DYNC2I2: variants seen among roughly 807,000 people sequenced by gnomAD.
DYNC2I2 encodes the protein cytoplasmic dynein 2 intermediate chain 2.
In DYNC2I2, 39 loss-of-function variants were observed where a neutral mutation model predicts 52.0. The observed-to-expected ratio is 0.75, with a 90% CI of 0.58 to 0.98. DYNC2I2 has a LOEUF of 0.98. DYNC2I2 is among the 50% of genes least tolerant of loss of function. The pLI, the probability that DYNC2I2 is intolerant of heterozygous loss-of-function variation, is 0.00. For synonymous variants in DYNC2I2, 359 were observed against 321.1 expected, an observed-to-expected ratio of 1.12 and a Z score of -1.26; for missense variants, 743 against 728.4, an observed-to-expected ratio of 1.02 and a Z score of -0.23.
At chr9:128,663,649 CTTTTTTTTTTTT>C in the DYNC2I2 span, 9 of 77,128 alleles carry the variant, frequency 1.2e-4, no homozygotes, top group South Asian at 4.9e-4. Context: ...TAGTTTTTTT[CTTTTTTTTTTTT>C]TTTTTTTTTG....
chr9:128,673,434 AG>A, the DYNC2I2 span, among the ~76,000 whole-genome samples: 145,594 of 151,684 alleles, frequency 0.96, 70,056 homozygotes, highest in Non-Finnish European at 1. Flanking sequence ...TTCTGCCTCC[AG>A]GGCTCAAGGG....
chr9:128,668,176 G>A, the DYNC2I2 span, among the ~76,000 whole-genome samples: 1 of 151,722 alleles, frequency 6.6e-6, no homozygotes, highest in Non-Finnish European at 1.5e-5. Flanking sequence ...GGCCAGGATG[G>A]TCTTGATCTC....
chr9:128,644,747 T>C (rs1003106324), intron 1 of DYNC2I2, among the ~76,000 whole-genome samples: 3 of 152,226 alleles, frequency 2.0e-5, no homozygotes, highest in Non-Finnish European at 2.9e-5. Context: ...ACGGCGCCCC[T>C]GCACTGCACA....
chr9:128,668,542 G>A, the DYNC2I2 span, among the ~76,000 whole-genome samples: 16 of 151,028 alleles, frequency 1.1e-4, no homozygotes, highest in East Asian at 3.1e-3. Context: ...AAAAAAAAAG[G>A]CTGGGCGCAG....
At chr9:128,664,988 A>G in the DYNC2I2 span, among the ~76,000 whole-genome samples, 1 of 151,942 alleles carries the variant, frequency 6.6e-6, no homozygotes, top group Non-Finnish European at 1.5e-5. Flanking sequence ...TAAAAACAAG[A>G]AAAATATAAC....
rs1159044979 is a variant in DYNC2I2 at position 128,633,893 on chromosome 9, G to A, written c.1462C>T (p.Leu488=). The A allele has an allele frequency of 3.7e-6, 6 of 1,613,442 alleles. No homozygotes were observed. The highest frequency in any genetic ancestry group is 5.1e-6 in the Non-Finnish European group (6 of 1,180,036). Residue 488 remains leucine, a synonymous_variant, in exon 9 of 9, where the codon CTG becomes TTG. Transcript: ENST00000372715. ...TGAGTCTGCTGGCTGTTGAACTCCA[G>A]ACAGTAGACAGGGCTTTCATCCTGG... is the stretch of plus-strand genomic sequence containing the variant. ...QTQDESPVYC[L]EFNSQQTQLL...
At position 128,633,805 on chromosome 9, in the gene DYNC2I2, G is replaced by A. The variant is rs770066601; in HGVS notation, c.1550C>T (p.Thr517Met). ...VKVWQLSTEF[T>M]EQGPREAEDL... ...CTCAGCTTCCCGGGGCCCTTGTTCC[G>A]TGAACTCTGTGCTCAGCTGCCACAC... Residue 517 changes from threonine to methionine, a missense_variant, in exon 9 of 9, where the codon ACG (threonine) becomes ATG (methionine). Thr to Met is a moderately conservative substitution (Grantham distance 81). Coordinates refer to ENST00000372715, the MANE Select transcript of DYNC2I2 (RefSeq NM_052844.4). 2.0e-5 allele frequency: 33 copies of A among 1,613,576 alleles called. No individual in the cohort carries two copies. The Admixed American group carries it at 2.3e-4, about 11-fold the overall frequency.
the DYNC2I2 span, among the ~76,000 whole-genome samples, chr9:128,679,457 G>GTAAT: frequency 6.6e-6 from 1 of 151,954 alleles, no homozygotes; most frequent in African/African-American, 2.4e-5. Context: ...TTTAGTTAAA[G>GTAAT]TAATTAATTA....
At chr9:128,640,587 G>A (rs1860494199) in intron 2 of DYNC2I2, 104 bp downstream of exon 2, 1 of 1,517,326 alleles carries the variant, frequency 6.6e-7, no homozygotes, top group South Asian at 1.3e-5. Flanking sequence ...GTGATTGCTG[G>A]CCGTGATGAT....
chr9:128,638,867 G>A (rs893412186), intron 2 of DYNC2I2, among the ~76,000 whole-genome samples: 2 of 152,184 alleles, frequency 1.3e-5, no homozygotes, highest in African/African-American at 2.4e-5. Flanking sequence ...AAAAAGGAAC[G>A]CAGCACCAAC....
intron 3 of DYNC2I2, 95 bp downstream of exon 3, chr9:128,636,823 T>C (rs1310425650): frequency 1.0e-6 from 1 of 1,002,670 alleles, no homozygotes; most frequent in African/African-American, 1.6e-5. Flanking sequence ...GGCCAAGCTC[T>C]TAGAACCAGC....
intron 2 of DYNC2I2, among the ~76,000 whole-genome samples, chr9:128,638,115 T>C (rs1488842665): frequency 6.6e-6 from 1 of 151,320 alleles, no homozygotes; most frequent in Non-Finnish European, 1.5e-5. Flanking sequence ...TCAGAGCCTG[T>C]AATCCCAGCT....
chr9:128,681,488 T>C, the DYNC2I2 span, among the ~76,000 whole-genome samples: 2 of 152,224 alleles, frequency 1.3e-5, no homozygotes, highest in African/African-American at 4.8e-5. Flanking sequence ...CCAGTTTGTC[T>C]ATTATGAATC....
chr9:128,660,060 C>A (rs1434541437), upstream of DYNC2I2, among the ~76,000 whole-genome samples: 2 of 139,030 alleles, frequency 1.4e-5, no homozygotes, highest in East Asian at 2.1e-4. Context: ...GAGTGAGACC[C>A]TGTCAAAAAA....
At chr9:128,667,293 T>G in the DYNC2I2 span, among the ~76,000 whole-genome samples, 1 of 152,224 alleles carries the variant, frequency 6.6e-6, no homozygotes, top group East Asian at 1.9e-4. Flanking sequence ...CCTAGGAGGC[T>G]GAGGTTGCAG....
rs1300351975 is a variant in DYNC2I2 at position 128,634,678 on chromosome 9, GC to G, written c.1214+10del. On this transcript the variant is annotated intron_variant, in intron 7 of 8. Coordinates refer to ENST00000372715, the MANE Select transcript of DYNC2I2 (RefSeq NM_052844.4). ...CCTGGCCCCACTGTGCCCCAGGCCT[GC>G]CCTACGTACCTGTGGAAGGGGGAAC... is the stretch of plus-strand genomic sequence containing the variant. The G allele has an allele frequency of 6.5e-7, 1 of 1,530,380 alleles. No individual in the cohort carries two copies. 94.8% of individuals were successfully genotyped at this position (1,530,380 alleles called of 1,614,324 possible).
chr9:128,653,910 C>G (rs1008022481), intron 1 of DYNC2I2, among the ~76,000 whole-genome samples: 4 of 152,236 alleles, frequency 2.6e-5, no homozygotes, highest in South Asian at 2.1e-4. Flanking sequence ...ACTGGGGAGG[C>G]TGAGGCAGGA....
rs189099520 is a variant in DYNC2I2 at position 128,654,692 on chromosome 9, G to A, written c.186+1849C>T. On this transcript the variant is annotated intron_variant, in intron 1 of 8. Coordinates refer to ENST00000372715, the MANE Select transcript of DYNC2I2 (RefSeq NM_052844.4). ...CCTGCCTCAGCTGCTCAAGTAGCTG[G>A]AAATACAGGCACAATGCCAGGGCAC... is the stretch of plus-strand genomic sequence containing the variant. Among the ~76,000 whole-genome samples, 505 of 152,256 alleles carry A rather than the reference G, an allele frequency of 3.3e-3. 6 individuals are homozygous for A. The highest frequency in any genetic ancestry group is 7.3e-3 in the Admixed American group (112 of 15,264).
chr9:128,644,082 T>C (rs573524899), intron 1 of DYNC2I2, among the ~76,000 whole-genome samples: 1 of 152,316 alleles, frequency 6.6e-6, no homozygotes, highest in African/African-American at 2.4e-5. Context: ...ACAATTCTGA[T>C]GACAGTGCCA....
Sources: gnomAD v4.1 joint callset for allele counts (sites outside exome capture counted in the v4.1 genomes callset) on GRCh38, gnomAD v4.1.1 for gene constraint, MANE v1.5 for transcripts, NCBI Gene and HGNC (gene_info 2026-07-23, HGNC 2026-07-21) for gene names.